RPN1: variants seen among roughly 807,000 people sequenced by gnomAD.
RPN1 encodes the protein dolichyl-diphosphooligosaccharide--protein glycosyltransferase subunit 1.
Under a neutral mutation model 55.5 loss-of-function variants are expected in RPN1, and 12 were observed. The ratio of observed to expected loss-of-function variants is 0.22; its 90% confidence interval spans 0.14 to 0.35. The LOEUF (loss-of-function observed/expected upper bound fraction) is 0.35, where lower values mean the gene tolerates loss of function less well. Ranked by LOEUF, RPN1 falls within the 10% of genes least tolerant of loss-of-function variation. RPN1 has a pLI of 1.00. For missense variants in RPN1, 679 were observed against 761.3 expected, an observed-to-expected ratio of 0.89 and a Z score of 1.27; for synonymous variants, 317 against 305.9, an observed-to-expected ratio of 1.04 and a Z score of -0.38.
intron 1 of RPN1, 40 bp from the exon 2 acceptor site, chr3:128,645,023 G>A (rs1235472908): frequency 2.4e-6 from 3 of 1,230,654 alleles, no homozygotes; most frequent in Non-Finnish European, 3.6e-6. Flanking sequence ...ATGTCTTTTG[G>A]CTTCTAAATT....
At chr3:128,626,652 T>G in intron 6 of RPN1, 81 bp downstream of exon 6, 2 of 1,242,158 alleles carry the variant, frequency 1.6e-6, no homozygotes. Flanking sequence ...ACTGTGCCCC[T>G]AGAACATAGG....
intron 3 of RPN1, among the ~76,000 whole-genome samples, chr3:128,633,735 G>A (rs182653674): frequency 2.6e-5 from 4 of 152,164 alleles, no homozygotes; most frequent in African/African-American, 9.6e-5. Context: ...TGGGCACAGT[G>A]AAACTTTGGG....
chr3:128,631,455 G>A (rs2069641217), intron 4 of RPN1, among the ~76,000 whole-genome samples: 2 of 150,726 alleles, frequency 1.3e-5, no homozygotes, highest in African/African-American at 2.4e-5. Flanking sequence ...TCCAGCCTGG[G>A]CAACAAGAGC....
intron 3 of RPN1, 97 bp from the exon 4 acceptor site, chr3:128,632,254 C>G: frequency 9.4e-7 from 1 of 1,060,834 alleles, no homozygotes; most frequent in Non-Finnish European, 1.4e-6. Context: ...ATATCAGCAA[C>G]AGAACGGGTA....
Position 128,637,959 on chromosome 3 carries a change from C to T in RPN1, c.473G>A (p.Gly158Glu). Residue 158 changes from glycine to glutamate, a missense_variant, in exon 3 of 10, where the codon GGG (glycine) becomes GAG (glutamate). Transcript: ENST00000296255. ...QSEKQFVVFEGNHYFYSPYPT... is the reference protein window; with the variant it reads ...QSEKQFVVFEENHYFYSPYPT... ...ATAGGGAGAGTAGAAATAATGGTTC[C>T]CCTCAAACACCACAAACTGTTTCTC... is the stretch of plus-strand genomic sequence containing the variant. 6.2e-7 allele frequency: 1 copy of T among 1,614,154 alleles called. No individual in the cohort carries two copies. Among genetic ancestry groups the T allele is most frequent in the Non-Finnish European group, 8.5e-7 (1 of 1,180,044 alleles).
rs752314179 is a variant in RPN1 at position 128,625,946 on chromosome 3, C to A, written c.1203G>T (p.Leu401=). The A allele has an allele frequency of 6.2e-7, 1 of 1,613,868 alleles. No homozygotes were observed. Among genetic ancestry groups the A allele is most frequent in the South Asian group, 1.1e-5 (1 of 91,052 alleles). The change falls in exon 7 of 10, where the codon CTG becomes CTT. Residue 401 remains leucine (L), a synonymous_variant. Transcript: ENST00000296255. ...RAPDELHYTY[L]DTFGRPVIVA... ...CAATCACAGGGCGGCCAAATGTGTC[C>A]AGATAGGTGTAGTGCAGCTCATCTG... is the stretch of plus-strand genomic sequence containing the variant.
chr3:128,639,792 T>C (rs1253733985), intron 2 of RPN1, among the ~76,000 whole-genome samples: 2 of 151,968 alleles, frequency 1.3e-5, no homozygotes, highest in Non-Finnish European at 2.9e-5. Flanking sequence ...TTCGCCACGT[T>C]GGCCAGGATG....
chr3:128,627,860 G>A (rs913886825), intron 5 of RPN1, among the ~76,000 whole-genome samples: 11 of 152,134 alleles, frequency 7.2e-5, no homozygotes. Context: ...ATGCCAGCAA[G>A]ACGCCCATAA....
At chr3:128,645,994 C>T (rs1362943835) in intron 1 of RPN1, among the ~76,000 whole-genome samples, 1 of 152,072 alleles carries the variant, frequency 6.6e-6, no homozygotes, top group East Asian at 1.9e-4. Context: ...CCTGTAATCC[C>T]AGCACTTTGG....
intron 2 of RPN1, among the ~76,000 whole-genome samples, chr3:128,641,893 G>A (rs1167103171): frequency 6.6e-6 from 1 of 152,102 alleles, no homozygotes; most frequent in African/African-American, 2.4e-5. Context: ...TTACAGGCGT[G>A]AGCCACCACG....
intron 1 of RPN1, among the ~76,000 whole-genome samples, chr3:128,649,851 G>A (rs917833709): frequency 1.3e-5 from 2 of 152,168 alleles, no homozygotes; most frequent in Admixed American, 6.5e-5. Context: ...TTACGTGCAG[G>A]AGTTTTAAAA....
intron 1 of RPN1, among the ~76,000 whole-genome samples, chr3:128,648,330 G>A (rs972222256): frequency 2.0e-5 from 3 of 152,138 alleles, no homozygotes; most frequent in Non-Finnish European, 2.9e-5. Flanking sequence ...GGGAGGCAGA[G>A]GTTGCAGTGA....
chr3:128,632,175 A>G lies in RPN1; in HGVS notation c.634-18T>C, dbSNP rs1369073111. On this transcript the variant is annotated intron_variant, in intron 3 of 9. Transcript: ENST00000296255. ...AAAGTATCCTGGAAGGAAGGAAACA[A>G]ATAGTTCAAAGTTTTGGCAACAGAG... 6.2e-7 allele frequency: 1 copy of G among 1,612,996 alleles called. No homozygotes were observed. Among genetic ancestry groups the G allele is most frequent in the East Asian group, 2.2e-5 (1 of 44,882 alleles).
At chr3:128,635,632 T>TAG (rs1241722446) in intron 3 of RPN1, among the ~76,000 whole-genome samples, 5 of 29,322 alleles carry the variant, frequency 1.7e-4, no homozygotes, top group East Asian at 2.1e-3. Flanking sequence ...TATATATATA[T>TAG]ATATATAGAT....
intron 8 of RPN1, among the ~76,000 whole-genome samples, chr3:128,623,236 C>T (rs1219796125): frequency 6.6e-6 from 1 of 152,162 alleles, no homozygotes; most frequent in Non-Finnish European, 1.5e-5. Flanking sequence ...GAGACTCCGT[C>T]TCTACAAAAA....
At chr3:128,624,988 A>G (rs922700063) in intron 8 of RPN1, among the ~76,000 whole-genome samples, 1 of 152,206 alleles carries the variant, frequency 6.6e-6, no homozygotes, top group African/African-American at 2.4e-5. Flanking sequence ...GCCCTAAGGA[A>G]CAATGAGAGA....
At chr3:128,635,642 T>TATATATATATATATATATAG (rs1576796125) in intron 3 of RPN1, among the ~76,000 whole-genome samples, 2 of 8,064 alleles carry the variant, frequency 2.5e-4, no homozygotes, top group Non-Finnish European at 8.1e-4. Flanking sequence ...TATATATAGA[T>TATATATATATATATATATAG]ATATATATAT....
rs1236177939 is a variant in RPN1 at position 128,641,253 on chromosome 3, T to C, written c.327-3148A>G. The C allele has an allele frequency of 2.6e-5, 4 of 152,180 alleles. No individual in the cohort carries two copies. The East Asian group carries it at 7.7e-4, about 29-fold the overall frequency. 9.4% of individuals were successfully genotyped at this position (152,180 alleles called of 1,614,324 possible). Reference sequence around the variant, plus strand: ...GGAAGAGGTGATAAAGACAAATTCATATAATGTATGCACATATAACTAGAA... The same window carrying C: ...GGAAGAGGTGATAAAGACAAATTCACATAATGTATGCACATATAACTAGAA... On this transcript the variant is annotated intron_variant, in intron 2 of 9. Transcript: ENST00000296255.
intron 8 of RPN1, among the ~76,000 whole-genome samples, chr3:128,623,965 C>T (rs759764883): frequency 6.6e-6 from 1 of 151,914 alleles, no homozygotes; most frequent in Non-Finnish European, 1.5e-5. Flanking sequence ...TGCAACTTAA[C>T]CTCCAATGAT....
Sources: gnomAD v4.1 joint callset for allele counts (sites outside exome capture counted in the v4.1 genomes callset) on GRCh38, gnomAD v4.1.1 for gene constraint, MANE v1.5 for transcripts, NCBI Gene and HGNC (gene_info 2026-07-23, HGNC 2026-07-21) for gene names.